The following CLK4 variants were observed in gnomAD, a reference collection of about 807,000 sequenced individuals.
CLK4 encodes CDC like kinase 4, also known as dual specificity protein kinase CLK4.
A neutral mutation model predicts 64.4 loss-of-function variants in CLK4; 37 were observed. The observed-to-expected ratio is 0.57, with a 90% CI of 0.44 to 0.76. The LOEUF (loss-of-function observed/expected upper bound fraction) is 0.76, where lower values mean the gene tolerates loss of function less well. CLK4 is among the 30% of genes least tolerant of loss of function. The pLI, the probability that CLK4 is intolerant of heterozygous loss-of-function variation, is 0.00. For missense variants in CLK4, 457 were observed against 605.1 expected, an observed-to-expected ratio of 0.76 and a Z score of 2.57; for synonymous variants, 175 against 191.6, an observed-to-expected ratio of 0.91 and a Z score of 0.72.
At chr5:178,609,380 A>C (rs957665794) in intron 9 of CLK4, among the ~76,000 whole-genome samples, 3 of 152,138 alleles carry the variant, frequency 2.0e-5, no homozygotes, top group African/African-American at 7.2e-5. Flanking sequence ...CATTTGAACA[A>C]ATGGATAATA....
intron 2 of CLK4, among the ~76,000 whole-genome samples, chr5:178,619,084 T>C (rs1764669136): frequency 6.6e-6 from 1 of 152,226 alleles, no homozygotes; most frequent in Admixed American, 6.5e-5. Context: ...TCTGCACCTG[T>C]ATCTAAGCTG....
Position 178,613,104 on chromosome 5 carries a change from G to C in CLK4, c.827-214C>G, listed in dbSNP as rs140243699. ...AAGATTTATCTTAATTGTTAAGGAG[G>C]TACAAACATAAAAAATATTTAAAAA... On this transcript the variant is annotated intron_variant, in intron 7 of 12. Coordinates refer to ENST00000316308, the MANE Select transcript of CLK4 (RefSeq NM_020666.3). 3.4e-3 allele frequency among the ~76,000 whole-genome samples: 517 copies of C among 152,082 alleles called. 1 individual carries two copies. Among genetic ancestry groups the C allele is most frequent in the African/African-American group, 0.011 (466 of 41,508 alleles).
At position 178,618,796 on chromosome 5, in the gene CLK4, G is replaced by A. The variant is rs767102287; in HGVS notation, c.162-18C>T. 6.3e-7 allele frequency: 1 copy of A among 1,581,550 alleles called. No homozygotes were observed. The highest frequency in any genetic ancestry group is 8.7e-7 in the Non-Finnish European group (1 of 1,154,342). On this transcript the variant is annotated intron_variant, in intron 2 of 12. Coordinates refer to ENST00000316308, the MANE Select transcript of CLK4 (RefSeq NM_020666.3). Reference sequence around the variant, plus strand: ...AATAATGACTGCAAACACATTAAAAGATTTCAAATTATTCTCTTCATTCTG... The same window carrying A: ...AATAATGACTGCAAACACATTAAAAAATTTCAAATTATTCTCTTCATTCTG...
At chr5:178,609,470 T>C (rs1412808929) in intron 9 of CLK4, among the ~76,000 whole-genome samples, 11 of 151,470 alleles carry the variant, frequency 7.3e-5, no homozygotes, top group East Asian at 2.0e-4. Flanking sequence ...ATCACCAGGT[T>C]GGCAGTTCGA....
At chr5:178,610,614 T>C (rs1229537302) in intron 9 of CLK4, among the ~76,000 whole-genome samples, 1 of 152,006 alleles carries the variant, frequency 6.6e-6, no homozygotes, top group Non-Finnish European at 1.5e-5. Flanking sequence ...TGGAACTTTA[T>C]TAATAAGATT....
chr5:178,612,743 G>A, intron 8 of CLK4, 53 bp downstream of exon 8: 2 of 1,161,344 alleles, frequency 1.7e-6, no homozygotes, highest in African/African-American at 1.5e-5. Flanking sequence ...AGATCATCAA[G>A]TTAAATTAAT....
At chr5:178,610,010 A>G (rs1296457870) in intron 9 of CLK4, among the ~76,000 whole-genome samples, 1 of 151,732 alleles carries the variant, frequency 6.6e-6, no homozygotes, top group African/African-American at 2.4e-5. Context: ...TTATTTTTCA[A>G]CCAGGCACGG....
At position 178,623,366 on chromosome 5, in the gene CLK4, G is replaced by T. The variant is rs1223251456; in HGVS notation, c.51C>A (p.Ser17Arg). Reference sequence around the variant, plus strand: ...TTCCACGATAGCTTTCATGTCCCCAGCTTTCTCTGCTATCCCAATCAGGAC... The same window carrying T: ...TTCCACGATAGCTTTCATGTCCCCATCTTTCTCTGCTATCCCAATCAGGAC... Reference protein sequence around the residue: ...THCPDWDSRESWGHESYRGSH... With the variant: ...THCPDWDSRERWGHESYRGSH... Residue 17 changes from serine to arginine, a missense_variant, in exon 2 of 13, where the codon AGC becomes AGA. Physicochemically the swap from Ser to Arg is moderately radical, Grantham distance 110 (BLOSUM62 -1). Transcript: ENST00000316308. 1 of 1,614,002 alleles carries T rather than the reference G, an allele frequency of 6.2e-7. No homozygotes were observed. Among genetic ancestry groups the T allele is most frequent in the Non-Finnish European group, 8.5e-7 (1 of 1,179,954 alleles).
chr5:178,622,402 A>G (rs1764719630), intron 2 of CLK4: 2 of 985,780 alleles, frequency 2.0e-6, no homozygotes, highest in Non-Finnish European at 2.4e-6. Context: ...CTGTTTTTTA[A>G]AGTAACCCCA....
Position 178,617,408 on chromosome 5 carries a change from C to G in CLK4, c.411G>C (p.Arg137Ser). 1 of 1,613,918 alleles carries G rather than the reference C, an allele frequency of 6.2e-7. No individual in the cohort carries two copies. Among genetic ancestry groups the G allele is most frequent in the Non-Finnish European group, 8.5e-7 (1 of 1,179,880 alleles). ...GACCCTCCTCATCATCCTCTATACT[C>G]CTGGATCTTTTCCTTCGGTGGCTCT... The part of the protein sequence containing the change: ...RSKSHRRKRS[R>S]SIEDDEEGHL... The change falls in exon 4 of 13, where the codon AGG becomes AGC. Residue 137 changes from arginine to serine, a missense_variant. By Grantham distance (110) the Arg-to-Ser change is moderately radical. Coordinates refer to ENST00000316308, the MANE Select transcript of CLK4 (RefSeq NM_020666.3). The surrounding 1 kb of genome is among the most constrained non-coding windows in gnomAD (Gnocchi z 5.2).
rs577224654 is a variant in CLK4 at position 178,625,820 on chromosome 5, C to G, written c.-1+1126G>C. On this transcript the variant is annotated intron_variant, in intron 1 of 12. Coordinates refer to ENST00000316308, the MANE Select transcript of CLK4 (RefSeq NM_020666.3). ...AATGTAATTCAGCTGTTAGTCCCAG[C>G]CTCTGACCTCCCCCACTCACCCTGC... Among the ~76,000 whole-genome samples the G allele has an allele frequency of 3.3e-5, 5 of 152,300 alleles. No homozygotes were observed. In the South Asian group the frequency reaches 1.0e-3, roughly 32 times the overall value.
In CLK4 at chr5:178,603,678, T is replaced by C. The variant is rs1272913336; in HGVS notation, c.1385A>G (p.Gln462Arg). Residue 462 changes from glutamine to arginine, a missense_variant, in exon 13 of 13, where the codon CAA (glutamine) becomes CGA (arginine). Transcript: ENST00000316308. Reference sequence around the variant, plus strand: ...CAATGCTTCATCCAAGGTAATTCTTTGAGTTGGATCATATTCTAACATTCT... The same window carrying C: ...CAATGCTTCATCCAAGGTAATTCTTCGAGTTGGATCATATTCTAACATTCT... ...VRRMLEYDPT[Q>R]RITLDEALQH... is the part of the protein sequence containing the mutation. 1.2e-6 allele frequency: 2 copies of C among 1,603,686 alleles called. No individual in the cohort carries two copies. Among genetic ancestry groups the C allele is most frequent in the Non-Finnish European group, 1.7e-6 (2 of 1,177,080 alleles).
At chr5:178,611,058 G>A (rs1308414961) in intron 9 of CLK4, among the ~76,000 whole-genome samples, 2 of 149,272 alleles carry the variant, frequency 1.3e-5, no homozygotes, top group Non-Finnish European at 3.0e-5. Context: ...GGGTGACAAA[G>A]TGAAACTCCA....
At position 178,607,507 on chromosome 5, in the gene CLK4, C is replaced by CTTTTTTTT. The variant is rs70997615; in HGVS notation, c.1134+861_1134+868dup. Among the ~76,000 whole-genome samples the CTTTTTTTT allele has an allele frequency of 2.6e-3, 200 of 78,012 alleles. 3 individuals are homozygous for CTTTTTTTT. The highest frequency in any genetic ancestry group is 3.4e-3 in the Non-Finnish European group (147 of 43,858). 51.2% of individuals were successfully genotyped at this position (78,012 alleles called of 152,430 possible). ...TGGGTTCTCCCTACCTACACTTTGT[C>CTTTTTTTT]TTTTTTTTTTTTTTTTTTTTTTGCA... On this transcript the variant is annotated intron_variant, in intron 10 of 12. Coordinates refer to ENST00000316308, the MANE Select transcript of CLK4 (RefSeq NM_020666.3).
chr5:178,608,190 T>C (rs1320823027), intron 10 of CLK4, among the ~76,000 whole-genome samples, 186 bp downstream of exon 10: 1 of 152,220 alleles, frequency 6.6e-6, no homozygotes, highest in African/African-American at 2.4e-5. Context: ...CAAAATTAAC[T>C]ATGATCACTC....
rs796456242 is a variant in CLK4 at position 178,610,772 on chromosome 5, T to TA, written c.1051+1643dup. On this transcript the variant is annotated intron_variant, in intron 9 of 12. Transcript: ENST00000316308. ...TCTCTGTTATAAAAAACATAAAAATTAAAAAAAAAAAATCCTTGGCCGGGC... is the reference window on the plus strand; with the variant it reads ...TCTCTGTTATAAAAAACATAAAAATTAAAAAAAAAAAAATCCTTGGCCGGGC... Among the ~76,000 whole-genome samples, 356 of 137,534 alleles carry TA rather than the reference T, an allele frequency of 2.6e-3. 4 individuals carry two copies. Among genetic ancestry groups the TA allele is most frequent in the African/African-American group, 7.3e-3 (270 of 37,070 alleles). 90.2% of individuals were successfully genotyped at this position (137,534 alleles called of 152,430 possible).
intron 10 of CLK4, among the ~76,000 whole-genome samples, chr5:178,606,605 C>T (rs983989517): frequency 6.6e-6 from 1 of 152,160 alleles, no homozygotes; most frequent in Non-Finnish European, 1.5e-5. Flanking sequence ...CAACACAACA[C>T]CTCGATCATA....
intron 1 of CLK4, 80 bp from the exon 2 acceptor site, chr5:178,623,496 G>T (rs1764738086): frequency 8.3e-7 from 1 of 1,211,398 alleles, no homozygotes; most frequent in Non-Finnish European, 1.1e-6. Flanking sequence ...TATTATTTAA[G>T]TTATCAAAAC....
chr5:178,617,741 G>T lies in CLK4; in HGVS notation c.385-307C>A, dbSNP rs925289144. The T allele has an allele frequency of 9.9e-6, 2 of 202,084 alleles. No individual in the cohort carries two copies. The highest frequency in any genetic ancestry group is 2.0e-5 in the Non-Finnish European group (2 of 100,396). 12.5% of individuals were successfully genotyped at this position (202,084 alleles called of 1,614,324 possible). Reference sequence around the variant, plus strand: ...ATTTAATTGAAGTCTGAAATTTAAAGAATGCAATGTCATGATTTACTTATC... The same window carrying T: ...ATTTAATTGAAGTCTGAAATTTAAATAATGCAATGTCATGATTTACTTATC... On this transcript the variant is annotated intron_variant, in intron 3 of 12. Coordinates refer to ENST00000316308, the MANE Select transcript of CLK4 (RefSeq NM_020666.3). This position sits in a 1 kb window ranked among gnomAD's most constrained non-coding sequence, Gnocchi z 5.2.
Sources: allele counts gnomAD v4.1 joint callset (sites outside exome capture counted in the v4.1 genomes callset), GRCh38; gene constraint gnomAD v4.1.1; non-coding constraint Gnocchi (gnomAD v3.1); transcripts MANE v1.5; gene names NCBI Gene and HGNC (gene_info 2026-07-23, HGNC 2026-07-21).